The following ERBB4 variants were observed in gnomAD, a reference collection of about 807,000 sequenced individuals.
ERBB4 encodes the protein erb-b2 receptor tyrosine kinase 4.
A neutral mutation model predicts 158.0 loss-of-function variants in ERBB4; 42 were observed. That is an observed-to-expected ratio of 0.27 (90% confidence interval 0.21 to 0.34). The LOEUF is 0.34. Ranked by LOEUF, ERBB4 falls within the 10% of genes least tolerant of loss-of-function variation. ERBB4 has a pLI of 1.00. For synonymous variants in ERBB4, 583 were observed against 558.7 expected (o/e 1.04, Z -0.61); for missense variants, 1,333 against 1,624.1 (o/e 0.82, Z 3.08).
chr2:212,434,946 T>C (rs557326319), intron 1 of ERBB4, among the ~76,000 whole-genome samples: 1 of 152,150 alleles, frequency 6.6e-6, no homozygotes, highest in South Asian at 2.1e-4. Flanking sequence ...AAGAAACAAA[T>C]GATTTAAAGT....
chr2:211,513,375 A>C (rs1056436312), intron 20 of ERBB4, among the ~76,000 whole-genome samples: 4 of 72,280 alleles, frequency 5.5e-5, no homozygotes, highest in African/African-American at 8.3e-5. Context: ...AAAAAAAAAA[A>C]ACAAAAAAAA....
chr2:212,321,258 C>T (rs62182641), intron 1 of ERBB4, among the ~76,000 whole-genome samples: 49,457 of 149,908 alleles, frequency 0.33, 10,495 homozygotes, highest in Non-Finnish European at 0.41. Context: ...AGAACAACTA[C>T]GTTTATTAAC....
chr2:211,387,517 A>AT (rs1231084868), intron 26 of ERBB4, among the ~76,000 whole-genome samples: 1 of 152,224 alleles, frequency 6.6e-6, no homozygotes, highest in East Asian at 1.9e-4. Flanking sequence ...AGTTGTCATT[A>AT]AGAATAGAAG....
chr2:211,987,146 C>T (rs1168421632), intron 2 of ERBB4, among the ~76,000 whole-genome samples: 2 of 151,758 alleles, frequency 1.3e-5, no homozygotes, highest in African/African-American at 4.8e-5. Flanking sequence ...CATAGCAAAA[C>T]CTGGTCTCTA....
At chr2:211,483,501 G>A (rs2125553214) in intron 20 of ERBB4, among the ~76,000 whole-genome samples, 1 of 152,122 alleles carries the variant, frequency 6.6e-6, no homozygotes, top group East Asian at 1.9e-4. Context: ...ATACATAAGA[G>A]TGACAGCACA....
chr2:211,819,192 CATTT>C (rs2076940443), intron 3 of ERBB4, among the ~76,000 whole-genome samples: 1 of 151,978 alleles, frequency 6.6e-6, no homozygotes, highest in South Asian at 2.1e-4. Flanking sequence ...AATTTTCATT[CATTT>C]ATTTGCTAAT....
chr2:212,061,130 A>G (rs1575583570), intron 2 of ERBB4, among the ~76,000 whole-genome samples: 1 of 152,112 alleles, frequency 6.6e-6, no homozygotes, highest in East Asian at 1.9e-4. Context: ...ATTGAGGACC[A>G]GAAGACAATA....
At chr2:212,069,595 G>A (rs901842778) in intron 2 of ERBB4, among the ~76,000 whole-genome samples, 7 of 151,764 alleles carry the variant, frequency 4.6e-5, no homozygotes, top group Non-Finnish European at 7.4e-5. Context: ...AAAGGTGTTC[G>A]GTTTAAACAT....
intron 1 of ERBB4, among the ~76,000 whole-genome samples, chr2:212,439,292 A>G (rs575874508): frequency 1.1e-4 from 16 of 152,310 alleles, no homozygotes; most frequent in Admixed American, 9.8e-4. Flanking sequence ...TCAGCATACA[A>G]AATTAAATAT....
At chr2:211,947,683 A>T in intron 2 of ERBB4, 67 bp from the exon 3 acceptor site, 2 of 1,327,344 alleles carry the variant, frequency 1.5e-6, no homozygotes, top group Non-Finnish European at 2.1e-6. Flanking sequence ...GTAGCAATTT[A>T]GATTAAAATG....
chr2:211,858,636 T>C (rs1232200302), intron 3 of ERBB4, among the ~76,000 whole-genome samples: 2 of 152,154 alleles, frequency 1.3e-5, no homozygotes, highest in Non-Finnish European at 2.9e-5. Flanking sequence ...GGCTAGCGTT[T>C]CTCTGTTAGC....
intron 19 of ERBB4, among the ~76,000 whole-genome samples, chr2:211,563,022 C>T (rs549313202): frequency 2.6e-5 from 4 of 152,146 alleles, no homozygotes; most frequent in African/African-American, 7.2e-5. Context: ...CCGCCCGCCT[C>T]GGCCTCCCAA....
Position 212,379,187 on chromosome 2 carries a change from G to A in ERBB4, c.82+159262C>T, listed in dbSNP as rs573297439. Among the ~76,000 whole-genome samples, 3 of 151,816 alleles carry A rather than the reference G, an allele frequency of 2.0e-5. No homozygotes were observed. The South Asian group carries it at 6.2e-4, about 31-fold the overall frequency. ...TAAAGAGGGGGAACAAATTCTAATTGTAGCAAAGCATTAGTAAAGATAAGT... is the reference window on the plus strand; with the variant it reads ...TAAAGAGGGGGAACAAATTCTAATTATAGCAAAGCATTAGTAAAGATAAGT... On this transcript the variant is annotated intron_variant, in intron 1 of 27. Transcript: ENST00000342788.
At chr2:211,796,383 T>C (rs2076383458) in intron 3 of ERBB4, among the ~76,000 whole-genome samples, 1 of 152,030 alleles carries the variant, frequency 6.6e-6, no homozygotes, top group Admixed American at 6.6e-5. Context: ...TTGGATACTT[T>C]CCACACTTGG....
intron 20 of ERBB4, among the ~76,000 whole-genome samples, chr2:211,443,271 A>G (rs2064031154): frequency 6.6e-6 from 1 of 152,084 alleles, no homozygotes; most frequent in South Asian, 2.1e-4. Flanking sequence ...ATAATTTTCT[A>G]TTGCTAATGA....
chr2:212,471,086 G>A (rs1253269228), intron 1 of ERBB4, among the ~76,000 whole-genome samples: 1 of 151,992 alleles, frequency 6.6e-6, no homozygotes, highest in African/African-American at 2.4e-5. Context: ...GAGAGAGAAT[G>A]AGGGCAACTA....
At chr2:211,656,160 C>G (rs1030358736) in intron 16 of ERBB4, among the ~76,000 whole-genome samples, 1 of 152,182 alleles carries the variant, frequency 6.6e-6, no homozygotes, top group African/African-American at 2.4e-5. Context: ...AGTGGCTACC[C>G]TTGGAATGAG....
intron 1 of ERBB4, among the ~76,000 whole-genome samples, chr2:212,150,900 G>A (rs1460917343): frequency 2.0e-5 from 3 of 152,088 alleles, no homozygotes; most frequent in Admixed American, 1.3e-4. Flanking sequence ...ATAGCAGGTT[G>A]CTCAAGAAGA....
intron 16 of ERBB4, among the ~76,000 whole-genome samples, chr2:211,645,464 G>T (rs1235649556): frequency 6.6e-6 from 1 of 151,500 alleles, no homozygotes; most frequent in Non-Finnish European, 1.5e-5. Context: ...AAATGATGTT[G>T]AAATATTACA....
Sources: gnomAD v4.1 joint callset for allele counts (sites outside exome capture counted in the v4.1 genomes callset) on GRCh38, gnomAD v4.1.1 for gene constraint, MANE v1.5 for transcripts, NCBI Gene and HGNC (gene_info 2026-07-23, HGNC 2026-07-21) for gene names.